The following SCG5 variants were observed in gnomAD, a reference collection of about 807,000 sequenced individuals.
The protein encoded by SCG5 is secretogranin V.
Under a neutral mutation model 25.7 loss-of-function variants are expected in SCG5, and 18 were observed. The observed-to-expected ratio is 0.70, with a 90% CI of 0.48 to 1.04. The LOEUF is 1.04. Among genes scored for constraint, SCG5 ranks in the 50% least tolerant of loss-of-function variants. The probability of loss-of-function intolerance (pLI) is 0.00; values close to 1 mark genes in which losing one functional copy is unlikely to be tolerated. For synonymous variants in SCG5, 101 were observed against 91.7 expected (o/e 1.10, Z -0.58); for missense variants, 206 against 259.8 (o/e 0.79, Z 1.42).
At chr15:32,695,783 G>A (rs893479869) in intron 5 of SCG5, among the ~76,000 whole-genome samples, 9 of 152,054 alleles carry the variant, frequency 5.9e-5, no homozygotes, top group Admixed American at 4.6e-4. Flanking sequence ...ATAATTTAAT[G>A]CATTTCAGAT....
chr15:32,653,083 C>G (rs866624291), intron 2 of SCG5, among the ~76,000 whole-genome samples: 1 of 152,286 alleles, frequency 6.6e-6, no homozygotes. Context: ...AAAATTAGCA[C>G]AGCCTTATTG....
At chr15:32,667,995 A>G (rs1260643201) in intron 2 of SCG5, among the ~76,000 whole-genome samples, 4 of 152,196 alleles carry the variant, frequency 2.6e-5, no homozygotes, top group Non-Finnish European at 5.9e-5. Flanking sequence ...ACCTATTGCC[A>G]GGCAGAGGTT....
intron 2 of SCG5, among the ~76,000 whole-genome samples, chr15:32,668,591 C>T (rs1310416092): frequency 2.6e-5 from 4 of 152,230 alleles, no homozygotes; most frequent in African/African-American, 7.2e-5. Flanking sequence ...CTGCCACTCC[C>T]ACCTCATCCC....
chr15:32,643,628 C>G lies in SCG5; in HGVS notation c.36C>G (p.Gly12=), dbSNP rs1595785558. Residue 12 remains glycine (G), a synonymous_variant, in exon 2 of 6, where the codon GGC becomes GGG. Transcript: ENST00000300175. ...VSRMVSTMLS[G]LLFWLASGWT... ...GGATGGTCTCTACCATGCTATCTGG[C>G]CTACTGTTTTGGCTGGCATCTGGAT... is the stretch of plus-strand genomic sequence containing the variant. 1 of 1,613,946 alleles carries G rather than the reference C, an allele frequency of 6.2e-7. No individual in the cohort carries two copies. The highest frequency in any genetic ancestry group is 8.5e-7 in the Non-Finnish European group (1 of 1,179,888).
chr15:32,682,655 A>G (rs976500283), intron 3 of SCG5, among the ~76,000 whole-genome samples: 8 of 152,188 alleles, frequency 5.3e-5, no homozygotes, highest in African/African-American at 1.9e-4. Flanking sequence ...TGAAACTAAC[A>G]TATTCCCTCA....
intron 2 of SCG5, among the ~76,000 whole-genome samples, chr15:32,666,662 T>C (rs2054322690): frequency 6.6e-6 from 1 of 152,262 alleles, no homozygotes; most frequent in Non-Finnish European, 1.5e-5. Flanking sequence ...GCTCATGCAT[T>C]ATAAAGTGAC....
At chr15:32,654,025 A>G (rs2054074280) in intron 2 of SCG5, among the ~76,000 whole-genome samples, 2 of 152,206 alleles carry the variant, frequency 1.3e-5, no homozygotes, top group Non-Finnish European at 2.9e-5. Flanking sequence ...GTCTTCATGC[A>G]CAGTGTCATG....
At chr15:32,680,005 A>G in intron 3 of SCG5, 90 bp downstream of exon 3, 1 of 1,240,334 alleles carries the variant, frequency 8.1e-7, no homozygotes, top group South Asian at 1.4e-5. Flanking sequence ...ATTCCCAGAA[A>G]TTGTTATTTC....
intron 5 of SCG5, 181 bp downstream of exon 5, chr15:32,691,944 G>C: frequency 6.9e-7 from 1 of 1,443,702 alleles, no homozygotes; most frequent in Non-Finnish European, 9.1e-7. Flanking sequence ...TTCTGCGATG[G>C]CTTCCCCAGG....
intron 2 of SCG5, 60 bp from the exon 3 acceptor site, chr15:32,679,705 TA>T: frequency 6.4e-7 from 1 of 1,571,736 alleles, no homozygotes; most frequent in Non-Finnish European, 8.7e-7. Flanking sequence ...TATGCCTGAA[TA>T]AATATTGGTT....
intron 5 of SCG5, among the ~76,000 whole-genome samples, chr15:32,693,974 G>A (rs1322396388): frequency 2.0e-5 from 3 of 152,106 alleles, no homozygotes; most frequent in Non-Finnish European, 4.4e-5. Flanking sequence ...GCCGGGCGTG[G>A]TGGTATGCTC....
At chr15:32,655,795 CCAGACA>C (rs2054108131) in intron 2 of SCG5, among the ~76,000 whole-genome samples, 2 of 152,284 alleles carry the variant, frequency 1.3e-5, no homozygotes, top group Admixed American at 1.3e-4. Flanking sequence ...CAGGCCCTCA[CCAGACA>C]CAGAATCTAC....
At chr15:32,674,726 C>G (rs983584931) in intron 2 of SCG5, among the ~76,000 whole-genome samples, 3 of 152,266 alleles carry the variant, frequency 2.0e-5, no homozygotes, top group African/African-American at 7.2e-5. Flanking sequence ...TCTCCAAGGC[C>G]AGGGAGAGAC....
Position 32,647,592 on chromosome 15 carries a change from T to TGCCTTTCACAGCC in SCG5, c.226+3775_226+3787dup, listed in dbSNP as rs1373331238. 5.9e-5 allele frequency among the ~76,000 whole-genome samples: 9 copies of TGCCTTTCACAGCC among 152,320 alleles called. No homozygotes were observed. In the South Asian group the frequency reaches 1.7e-3, roughly 28 times the overall value. ...GCCTTTCACAGCAACCTTTCACAGC[T>TGCCTTTCACAGCC]GCCTTTCACAGCCTTTCCTCACATG... On this transcript the variant is annotated intron_variant, in intron 2 of 5. Transcript: ENST00000300175.
At chr15:32,671,456 A>G (rs545529598) in intron 2 of SCG5, among the ~76,000 whole-genome samples, 44 of 152,220 alleles carry the variant, frequency 2.9e-4, no homozygotes, top group Admixed American at 1.1e-3. Flanking sequence ...CATGTTGGCC[A>G]TTTCTTTCAG....
intron 3 of SCG5, among the ~76,000 whole-genome samples, chr15:32,684,090 C>G (rs1206980316): frequency 6.6e-6 from 1 of 152,208 alleles, no homozygotes; most frequent in African/African-American, 2.4e-5. Flanking sequence ...CACTTGACCC[C>G]CACAGTTGCC....
At chr15:32,645,198 A>G (rs1418028135) in intron 2 of SCG5, among the ~76,000 whole-genome samples, 1 of 152,220 alleles carries the variant, frequency 6.6e-6, no homozygotes, top group Non-Finnish European at 1.5e-5. Flanking sequence ...TGAGACAAAC[A>G]ATAAATATCT....
intron 5 of SCG5, chr15:32,692,229 G>A (rs2054871637): frequency 1.0e-6 from 1 of 992,650 alleles, no homozygotes; most frequent in South Asian, 4.7e-5. Flanking sequence ...AAGATGAGAT[G>A]AACAAACTTA....
chr15:32,671,853 C>T (rs1019537474), intron 2 of SCG5, among the ~76,000 whole-genome samples: 7 of 152,096 alleles, frequency 4.6e-5, no homozygotes, highest in African/African-American at 1.7e-4. Flanking sequence ...CCAGAAGGAG[C>T]CACCCCGCCC....
Sources: allele counts gnomAD v4.1 joint callset (sites outside exome capture counted in the v4.1 genomes callset), GRCh38; gene constraint gnomAD v4.1.1; transcripts MANE v1.5; gene names NCBI Gene and HGNC (gene_info 2026-07-23, HGNC 2026-07-21).